The following PABPC4L variants were observed in gnomAD, a reference collection of about 807,000 sequenced individuals.
PABPC4L encodes poly(A) binding protein cytoplasmic 4 like, also known as polyadenylate-binding protein 4-like.
For synonymous variants in PABPC4L, 169 were observed against 164.1 expected, an observed-to-expected ratio of 1.03 and a Z score of -0.23; for missense variants, 452 against 451.4, an observed-to-expected ratio of 1.00 and a Z score of -0.01.
the PABPC4L span, among the ~76,000 whole-genome samples, chr4:134,113,156 A>T: frequency 6.6e-6 from 1 of 152,010 alleles, no homozygotes; most frequent in Non-Finnish European, 1.5e-5. Flanking sequence ...AGAGTCAAAA[A>T]GTTCAAAATG....
chr4:134,096,663 A>T, the PABPC4L span, among the ~76,000 whole-genome samples: 1 of 151,960 alleles, frequency 6.6e-6, no homozygotes, highest in African/African-American at 2.4e-5. Flanking sequence ...TTTCCCATGA[A>T]ATATTAGTGT....
chr4:134,126,926 G>A, the PABPC4L span, among the ~76,000 whole-genome samples: 1 of 152,078 alleles, frequency 6.6e-6, no homozygotes, highest in African/African-American at 2.4e-5. Context: ...AATCTATGCT[G>A]TTGTTGGGGG....
At chr4:134,121,336 T>C in the PABPC4L span, among the ~76,000 whole-genome samples, 3 of 151,628 alleles carry the variant, frequency 2.0e-5, no homozygotes, top group African/African-American at 7.2e-5. Flanking sequence ...TTCCTTCGAG[T>C]TTTGTAACAT....
the PABPC4L span, among the ~76,000 whole-genome samples, chr4:134,106,288 A>C: frequency 4.6e-5 from 7 of 151,714 alleles, no homozygotes; most frequent in African/African-American, 1.7e-4. Context: ...ATTTACCTAC[A>C]GTTACACAAA....
At chr4:134,064,542 G>A in the PABPC4L span, among the ~76,000 whole-genome samples, 1 of 151,898 alleles carries the variant, frequency 6.6e-6, no homozygotes, top group African/African-American at 2.4e-5. Flanking sequence ...ACCTCTCTCG[G>A]AATGAGATAT....
the PABPC4L span, among the ~76,000 whole-genome samples, chr4:133,999,339 C>T: frequency 6.6e-6 from 1 of 152,034 alleles, no homozygotes; most frequent in Non-Finnish European, 1.5e-5. Flanking sequence ...AAGTCTACTG[C>T]CATCAAACCT....
At chr4:133,963,724 C>T in the PABPC4L span, among the ~76,000 whole-genome samples, 3 of 151,812 alleles carry the variant, frequency 2.0e-5, no homozygotes, top group Non-Finnish European at 4.4e-5. Context: ...AATTAAATAA[C>T]CTGTTCCTCA....
chr4:134,078,902 A>G, the PABPC4L span, among the ~76,000 whole-genome samples: 1 of 148,076 alleles, frequency 6.8e-6, no homozygotes, highest in Non-Finnish European at 1.5e-5. Context: ...TTCGGACCTC[A>G]GGTGATCTGC....
chr4:134,078,957 C>T, the PABPC4L span, among the ~76,000 whole-genome samples: 3 of 145,548 alleles, frequency 2.1e-5, no homozygotes, highest in African/African-American at 7.7e-5. Flanking sequence ...CGTGAGCCAC[C>T]GTGCCCGGGC....
chr4:134,071,676 A>G, the PABPC4L span, among the ~76,000 whole-genome samples: 1 of 152,182 alleles, frequency 6.6e-6, no homozygotes. Context: ...TCTGTAAATT[A>G]AGAAACACAG....
the PABPC4L span, among the ~76,000 whole-genome samples, chr4:134,108,056 C>A: frequency 6.6e-6 from 1 of 151,274 alleles, no homozygotes; most frequent in African/African-American, 2.4e-5. Flanking sequence ...AATTTGAAGT[C>A]CATTAAAAAG....
chr4:134,150,507 G>T, the PABPC4L span, among the ~76,000 whole-genome samples: 1 of 152,144 alleles, frequency 6.6e-6, no homozygotes, highest in Non-Finnish European at 1.5e-5. Context: ...TACATGTGAT[G>T]ATAACATTGC....
the PABPC4L span, among the ~76,000 whole-genome samples, chr4:134,131,618 C>A: frequency 7.0e-6 from 1 of 142,588 alleles, no homozygotes; most frequent in African/African-American, 2.6e-5. Context: ...GACAATATTG[C>A]CAAAAGCAAT....
At chr4:133,982,962 TA>T in the PABPC4L span, among the ~76,000 whole-genome samples, 2 of 151,970 alleles carry the variant, frequency 1.3e-5, no homozygotes, top group South Asian at 4.1e-4. Flanking sequence ...TTTTAAACTG[TA>T]AAACACACAA....
chr4:134,067,569 C>T, the PABPC4L span, among the ~76,000 whole-genome samples: 1 of 151,914 alleles, frequency 6.6e-6, no homozygotes, highest in African/African-American at 2.4e-5. Context: ...CTTCTGCTAG[C>T]TTTGGGGTTG....
chr4:134,067,082 A>AT, the PABPC4L span, among the ~76,000 whole-genome samples: 5 of 151,976 alleles, frequency 3.3e-5, no homozygotes, highest in African/African-American at 1.2e-4. Context: ...CTCCTCCTTA[A>AT]TTTTTTTGGA....
chr4:133,958,159 C>T, the PABPC4L span, among the ~76,000 whole-genome samples: 1 of 152,156 alleles, frequency 6.6e-6, no homozygotes, highest in African/African-American at 2.4e-5. Flanking sequence ...TAATGCTCTG[C>T]TTCCCTTCTA....
At chr4:134,035,748 G>T in the PABPC4L span, among the ~76,000 whole-genome samples, 1 of 151,968 alleles carries the variant, frequency 6.6e-6, no homozygotes. Context: ...CTCTTCATGT[G>T]AAGGTCATTA....
the PABPC4L span, among the ~76,000 whole-genome samples, chr4:134,024,812 T>C: frequency 1.7e-4 from 24 of 137,144 alleles, no homozygotes; most frequent in Non-Finnish European, 3.8e-4. Context: ...ATAAACTAGC[T>C]TTTTTTTTTT....
Sources: allele counts gnomAD v4.1 joint callset (sites outside exome capture counted in the v4.1 genomes callset), GRCh38; gene constraint gnomAD v4.1.1; transcripts MANE v1.5; gene names NCBI Gene and HGNC (gene_info 2026-07-23, HGNC 2026-07-21).